AGBL4: variants seen among roughly 807,000 people sequenced by gnomAD.
AGBL4 encodes AGBL carboxypeptidase 4.
Under a neutral mutation model 66.4 loss-of-function variants are expected in AGBL4, and 58 were observed. That is an observed-to-expected ratio of 0.87 (90% CI 0.71 to 1.09). The LOEUF is 1.09. AGBL4 is among the 50% of genes least tolerant of loss of function. The pLI is 0.00. For synonymous variants in AGBL4, 234 were observed against 222.9 expected (o/e 1.05, Z -0.44); for missense variants, 579 against 631.0 (o/e 0.92, Z 0.88).
rs777875738 is a variant in AGBL4, at chr1:49,979,467, C to CAAAA, written c.34+44292_34+44295dup. Among the ~76,000 whole-genome samples, 5 of 87,762 alleles carry CAAAA rather than the reference C, an allele frequency of 5.7e-5. No homozygotes were observed. In the East Asian group the frequency reaches 1.5e-3, roughly 26 times the overall value. The allele number at this position is 87,762 out of a possible 152,430, so 57.6% of individuals were successfully genotyped here. A position where few individuals can be genotyped will look rare whatever the true frequency, so the allele number is the denominator to read the frequency against. ...TGGGCGACAGAGCGAGACTCCGCCTCAAAAAAAAAAAAAAACTTACAACCT... is the reference window on the plus strand; with the variant it reads ...TGGGCGACAGAGCGAGACTCCGCCTCAAAAAAAAAAAAAAAAAAACTTACAACCT... On this transcript the variant is annotated intron_variant, in intron 1 of 13. Coordinates refer to ENST00000371839, the MANE Select transcript of AGBL4 (RefSeq NM_032785.4).
intron 6 of AGBL4, among the ~76,000 whole-genome samples, chr1:48,808,994 C>G (rs1274487796): frequency 6.6e-6 from 1 of 152,134 alleles, no homozygotes; most frequent in Non-Finnish European, 1.5e-5. Context: ...ATTCATTCTC[C>G]AGAAAAGGGG....
chr1:49,398,716 G>A (rs941810156), intron 3 of AGBL4, among the ~76,000 whole-genome samples: 4 of 151,616 alleles, frequency 2.6e-5, no homozygotes, highest in African/African-American at 4.9e-5. Flanking sequence ...TTTAATTTTT[G>A]TGTGTACATA....
At chr1:48,603,972 AC>A (rs1438531874) in intron 9 of AGBL4, among the ~76,000 whole-genome samples, 5 of 151,972 alleles carry the variant, frequency 3.3e-5, no homozygotes, top group Admixed American at 6.6e-5. Context: ...AACAACAACA[AC>A]AAAAACCAAA....
chr1:49,186,243 C>T (rs1249236252), intron 4 of AGBL4, among the ~76,000 whole-genome samples: 3 of 152,156 alleles, frequency 2.0e-5, no homozygotes, highest in Non-Finnish European at 4.4e-5. Flanking sequence ...GAATACACCC[C>T]ATTCAGCCTT....
intron 2 of AGBL4, among the ~76,000 whole-genome samples, chr1:49,805,365 T>C (rs1486331544): frequency 6.6e-6 from 1 of 152,098 alleles, no homozygotes. Flanking sequence ...CCTGATTGAA[T>C]GGGTTTCAGG....
intron 2 of AGBL4, among the ~76,000 whole-genome samples, chr1:49,771,438 C>T (rs1644055361): frequency 6.6e-6 from 1 of 152,010 alleles, no homozygotes; most frequent in Admixed American, 6.6e-5. Flanking sequence ...CTGGAGAATG[C>T]TCCATGAGTG....
downstream of AGBL4, among the ~76,000 whole-genome samples, chr1:48,528,533 C>G (rs576098373): frequency 3.7e-4 from 56 of 152,114 alleles, 1 homozygote; most frequent in Non-Finnish European, 4.4e-5. Flanking sequence ...TGGGGCTGAA[C>G]CGAGAGACAG....
At chr1:48,919,968 G>A (rs1421200165) in intron 5 of AGBL4, among the ~76,000 whole-genome samples, 1 of 152,164 alleles carries the variant, frequency 6.6e-6, no homozygotes, top group African/African-American at 2.4e-5. Flanking sequence ...TGTAATCCAT[G>A]CTGCCAGAAA....
intron 11 of AGBL4, among the ~76,000 whole-genome samples, chr1:48,571,998 C>A (rs1644572020): frequency 1.3e-5 from 2 of 152,106 alleles, no homozygotes; most frequent in Admixed American, 1.3e-4. Flanking sequence ...GGTCAAGTCC[C>A]CAATTTATGA....
Position 49,071,056 on chromosome 1 carries a change from G to A in AGBL4, c.378-25256C>T, listed in dbSNP as rs183771975. On this transcript the variant is annotated intron_variant, in intron 4 of 13. Coordinates refer to ENST00000371839, the MANE Select transcript of AGBL4 (RefSeq NM_032785.4). ...AGAGGTGTTTATAGTATTCTCTGACGGTAGTTTGTATTTCTGTGGGATTGG... is the reference window on the plus strand; with the variant it reads ...AGAGGTGTTTATAGTATTCTCTGACAGTAGTTTGTATTTCTGTGGGATTGG... 3.7e-3 allele frequency among the ~76,000 whole-genome samples: 569 copies of A among 151,924 alleles called. 7 individuals carry two copies. The highest frequency in any genetic ancestry group is 0.013 in the African/African-American group (529 of 41,266).
chr1:49,630,235 A>C (rs1645545031), intron 3 of AGBL4, among the ~76,000 whole-genome samples: 1 of 152,208 alleles, frequency 6.6e-6, no homozygotes, highest in African/African-American at 2.4e-5. Context: ...CTCCATGGCC[A>C]TCAGGAATAC....
chr1:49,521,334 G>C (rs1186820465), intron 3 of AGBL4, among the ~76,000 whole-genome samples: 3 of 152,032 alleles, frequency 2.0e-5, no homozygotes, highest in African/African-American at 7.2e-5. Flanking sequence ...CAAAGCTGGA[G>C]GCATCACATT....
At chr1:48,665,330 G>A (rs1646168728) in intron 6 of AGBL4, among the ~76,000 whole-genome samples, 1 of 152,188 alleles carries the variant, frequency 6.6e-6, no homozygotes, top group South Asian at 2.1e-4. Context: ...GGAAGAAACT[G>A]CAACTTCCAT....
At chr1:49,545,279 G>C (rs1652381616) in intron 3 of AGBL4, among the ~76,000 whole-genome samples, 1 of 152,124 alleles carries the variant, frequency 6.6e-6, no homozygotes, top group Non-Finnish European at 1.5e-5. Flanking sequence ...AAAAAACTAA[G>C]GGCAGCCACT....
At chr1:48,686,174 A>G (rs59829976) in intron 6 of AGBL4, among the ~76,000 whole-genome samples, 10,605 of 152,216 alleles carry the variant, frequency 0.07, 1,219 homozygotes, top group African/African-American at 0.24. Flanking sequence ...GGTCCTTCAT[A>G]TCTTAGCTTA....
At chr1:49,876,963 T>G (rs1239013831) in intron 1 of AGBL4, among the ~76,000 whole-genome samples, 1 of 151,874 alleles carries the variant, frequency 6.6e-6, no homozygotes, top group East Asian at 1.9e-4. Flanking sequence ...TCTGTTTGTC[T>G]GTTGTTGGTG....
intron 4 of AGBL4, among the ~76,000 whole-genome samples, chr1:49,164,079 T>C (rs1247637989): frequency 6.6e-6 from 1 of 152,106 alleles, no homozygotes; most frequent in African/African-American, 2.4e-5. Context: ...ATAGTATATG[T>C]GTGTAGGAGG....
At chr1:48,530,915 T>A (rs984593158), downstream of AGBL4, among the ~76,000 whole-genome samples, 3 of 152,198 alleles carry the variant, frequency 2.0e-5, no homozygotes, top group South Asian at 6.2e-4. Context: ...GATAGGCTGG[T>A]GCGCCCCCTG....
chr1:49,950,022 G>GCACA (rs1557611707), intron 1 of AGBL4, among the ~76,000 whole-genome samples: 13 of 1,446 alleles, frequency 9.0e-3, no homozygotes, highest in South Asian at 0.048. Flanking sequence ...ACACACATAT[G>GCACA]TGTGTGTGTG....
Sources: gnomAD v4.1 joint callset for allele counts (sites outside exome capture counted in the v4.1 genomes callset) on GRCh38, gnomAD v4.1.1 for gene constraint, MANE v1.5 for transcripts, NCBI Gene and HGNC (gene_info 2026-07-23, HGNC 2026-07-21) for gene names.